Variants in SCN9A observed in about 807,000 individuals in gnomAD.
SCN9A encodes sodium channel protein type 9 subunit alpha.
SCN9A carries 131 observed loss-of-function variants against 187.0 expected under a neutral mutation model. That is an observed-to-expected ratio of 0.70 (90% CI 0.61 to 0.81). The LOEUF is 0.81. Among genes scored for constraint, SCN9A ranks in the 30% least tolerant of loss-of-function variants. SCN9A has a pLI of 0.00. For synonymous variants in SCN9A, 809 were observed against 808.6 expected (o/e 1.00, Z -0.01); for missense variants, 2,252 against 2,396.6 (o/e 0.94, Z 1.26).
intron 1 of SCN9A, among the ~76,000 whole-genome samples, chr2:166,313,406 G>C (rs1341184340): frequency 6.6e-6 from 1 of 152,140 alleles, no homozygotes; most frequent in Admixed American, 6.6e-5. Flanking sequence ...ATCTTAGCTA[G>C]ATCTTCTGAA....
At chr2:166,363,875 T>C (rs1700351168) in intron 1 of SCN9A, among the ~76,000 whole-genome samples, 3 of 151,930 alleles carry the variant, frequency 2.0e-5, no homozygotes, top group Admixed American at 2.0e-4. Context: ...CTGTTGTGCA[T>C]CAAAGAACAC....
At chr2:166,231,465 T>C (rs1447456456) in intron 21 of SCN9A, among the ~76,000 whole-genome samples, 1 of 152,132 alleles carries the variant, frequency 6.6e-6, no homozygotes, top group Non-Finnish European at 1.5e-5. Flanking sequence ...TAATGTTCAC[T>C]TGAGGCTGGT....
At chr2:166,353,496 A>G (rs1700088146) in intron 1 of SCN9A, among the ~76,000 whole-genome samples, 1 of 152,070 alleles carries the variant, frequency 6.6e-6, no homozygotes, top group South Asian at 2.1e-4. Flanking sequence ...CTGTTTCCCT[A>G]TTTGCAGTCT....
intron 11 of SCN9A, among the ~76,000 whole-genome samples, chr2:166,285,347 C>G (rs929075903): frequency 6.6e-6 from 1 of 152,056 alleles, no homozygotes; most frequent in Admixed American, 6.6e-5. Context: ...TTGCCCAATA[C>G]CAAAGAGGAG....
In SCN9A at chr2:166,198,621, C is replaced by A. The variant is rs201222535; in HGVS notation, c.*51G>T. The A allele has an allele frequency of 8.9e-5, 120 of 1,347,350 alleles. No individual in the cohort carries two copies. In the South Asian group the frequency reaches 1.6e-3, roughly 18 times the overall value. The allele number at this position is 1,347,350 out of a possible 1,614,324, so 83.5% of individuals were successfully genotyped here. ...GACTTCCTCAAAAGAGTTTTATTAA[C>A]ACAAATAAATCACTTTCACAGGCTG... On this transcript the variant is annotated 3_prime_UTR_variant, in exon 27 of 27. Coordinates refer to ENST00000642356, the MANE Select transcript of SCN9A (RefSeq NM_001365536.1).
chr2:166,250,420 T>A (rs1348151172), intron 18 of SCN9A, among the ~76,000 whole-genome samples: 1 of 152,118 alleles, frequency 6.6e-6, no homozygotes, highest in African/African-American at 2.4e-5. Context: ...CCTCTTAGCA[T>A]CGCTGTGATG....
chr2:166,358,416 A>C (rs2105310369), intron 1 of SCN9A, among the ~76,000 whole-genome samples: 1 of 152,176 alleles, frequency 6.6e-6, no homozygotes, highest in African/African-American at 2.4e-5. Context: ...TTCTTTTGTG[A>C]GTGAGGTCAG....
At chr2:166,330,072 A>G (rs983246638) in intron 1 of SCN9A, among the ~76,000 whole-genome samples, 2 of 152,210 alleles carry the variant, frequency 1.3e-5, no homozygotes, top group Admixed American at 6.6e-5. Context: ...AACTATTCTA[A>G]TTAAAAATTT....
intron 17 of SCN9A, among the ~76,000 whole-genome samples, chr2:166,254,124 G>C (rs1331311237): frequency 6.6e-6 from 1 of 151,046 alleles, no homozygotes; most frequent in Non-Finnish European, 1.5e-5. Context: ...TTTTTTTAAT[G>C]GTCAATTGAA....
At chr2:166,229,029 AC>A in intron 21 of SCN9A, 57 bp from the exon 22 acceptor site, 2 of 1,368,242 alleles carry the variant, frequency 1.5e-6, no homozygotes, top group Non-Finnish European at 2.0e-6. Context: ...TAAATAGGCA[AC>A]ATGAAAGAAA....
chr2:166,305,977 A>T lies in SCN9A; in HGVS notation c.468-57T>A, dbSNP rs759523063. 1.6e-5 allele frequency: 25 copies of T among 1,592,732 alleles called. 1 individual carries two copies. Among genetic ancestry groups the T allele is most frequent in the Middle Eastern group, 1.7e-4 (1 of 5,986 alleles). ...GTGAAAAGAATACAACCACCATGTA[A>T]ATCTTTATAACTTATTTTCTCTAAT... On this transcript the variant is annotated intron_variant, in intron 4 of 26. Transcript: ENST00000642356.
chr2:166,353,850 AG>A (rs1322743497), intron 1 of SCN9A, among the ~76,000 whole-genome samples: 1 of 152,140 alleles, frequency 6.6e-6, no homozygotes, highest in Admixed American at 6.5e-5. Flanking sequence ...CAAACTTCAT[AG>A]ACAGGAAATT....
At chr2:166,214,416 C>T (rs551942171) in intron 24 of SCN9A, among the ~76,000 whole-genome samples, 1 of 152,126 alleles carries the variant, frequency 6.6e-6, no homozygotes, top group East Asian at 1.9e-4. Flanking sequence ...GAAGAATAAA[C>T]CTTCTTCAGC....
At chr2:166,242,074 G>T (rs1695589013) in intron 19 of SCN9A, among the ~76,000 whole-genome samples, 1 of 152,162 alleles carries the variant, frequency 6.6e-6, no homozygotes, top group African/African-American at 2.4e-5. Flanking sequence ...TTGCTCGCCA[G>T]TTGGAGCTTA....
intron 9 of SCN9A, among the ~76,000 whole-genome samples, chr2:166,290,111 C>T (rs1021205697): frequency 6.6e-6 from 1 of 152,030 alleles, no homozygotes; most frequent in Non-Finnish European, 1.5e-5. Flanking sequence ...GTTCCCCTCC[C>T]TGTGTCCATG....
intron 1 of SCN9A, among the ~76,000 whole-genome samples, chr2:166,340,355 C>G (rs996490009): frequency 1.3e-5 from 2 of 152,126 alleles, no homozygotes; most frequent in Non-Finnish European, 2.9e-5. Context: ...TGCAAAACTA[C>G]TTTTCACTCA....
chr2:166,302,944 A>G lies in SCN9A; in HGVS notation c.901+146T>C, dbSNP rs1241652388. ...GGATGATTTATGAAAATCATATATA[A>G]CATGACCCAAATTCACACTGTAGCA... On this transcript the variant is annotated intron_variant, in intron 7 of 26. Coordinates refer to ENST00000642356, the MANE Select transcript of SCN9A (RefSeq NM_001365536.1). 6.0e-6 allele frequency: 4 copies of G among 661,782 alleles called. No homozygotes were observed. The African/African-American group carries it at 7.3e-5, about 12-fold the overall frequency. The allele number at this position is 661,782 out of a possible 1,614,324, so 41.0% of individuals were successfully genotyped here. A position where few individuals can be genotyped will look rare whatever the true frequency, so the allele number is the denominator to read the frequency against.
intron 1 of SCN9A, among the ~76,000 whole-genome samples, chr2:166,362,396 C>A (rs943920455): frequency 2.6e-5 from 4 of 152,042 alleles, no homozygotes; most frequent in South Asian, 2.1e-4. Context: ...AAAATGCATT[C>A]TCTTTCTGTT....
chr2:166,201,215 T>C (rs200796201), intron 26 of SCN9A, among the ~76,000 whole-genome samples: 4 of 140,966 alleles, frequency 2.8e-5, no homozygotes, highest in East Asian at 2.6e-4. Context: ...ACTATATATA[T>C]ACACATACTA....
Sources: allele counts gnomAD v4.1 joint callset (sites outside exome capture counted in the v4.1 genomes callset), GRCh38; gene constraint gnomAD v4.1.1; transcripts MANE v1.5; gene names NCBI Gene and HGNC (gene_info 2026-07-23, HGNC 2026-07-21).